Variants in MEGF10 observed in about 807,000 individuals in gnomAD.
MEGF10 encodes multiple EGF like domains 10.
Under a neutral mutation model 147.5 loss-of-function variants are expected in MEGF10, and 86 were observed. That is an observed-to-expected ratio of 0.58 (90% confidence interval 0.49 to 0.70). The LOEUF is 0.70. Ranked by LOEUF, MEGF10 falls within the 30% of genes least tolerant of loss-of-function variation. MEGF10 has a pLI of 0.00. For missense variants in MEGF10, 1,329 were observed against 1,487.3 expected (o/e 0.89, Z 1.75); for synonymous variants, 478 against 525.5 (o/e 0.91, Z 1.24).
At chr5:127,260,401 G>T in the MEGF10 span, among the ~76,000 whole-genome samples, 1 of 152,020 alleles carries the variant, frequency 6.6e-6, no homozygotes, top group South Asian at 2.1e-4. Context: ...ATATCTGGTT[G>T]GTTTCTCATG....
In MEGF10 at chr5:127,413,694, TACA is replaced by T. The variant is rs1161759176; in HGVS notation, c.1130+3100_1130+3102del. 2.0e-5 allele frequency among the ~76,000 whole-genome samples: 3 copies of T among 152,208 alleles called. No individual in the cohort carries two copies. The East Asian group carries it at 5.8e-4, about 29-fold the overall frequency. On this transcript the variant is annotated intron_variant, in intron 9 of 24. Coordinates refer to ENST00000503335, the MANE Select transcript of MEGF10 (RefSeq NM_001256545.2). ...CCTTCAACCTCCAAACTGCTGCTTC[TACA>T]ACAACATGTAAATCTCATTACCAAT... is the stretch of plus-strand genomic sequence containing the variant.
At chr5:127,288,705 G>A (rs1342643588), upstream of MEGF10, among the ~76,000 whole-genome samples, 5 of 152,166 alleles carry the variant, frequency 3.3e-5, no homozygotes, top group Admixed American at 3.3e-4. Flanking sequence ...CACAGTTACT[G>A]TAATAATAAT....
At chr5:127,250,077 GC>G in the MEGF10 span, among the ~76,000 whole-genome samples, 1 of 151,976 alleles carries the variant, frequency 6.6e-6, no homozygotes, top group African/African-American at 2.4e-5. Context: ...TCCAACACAT[GC>G]TTTTTGGGGG....
At chr5:127,244,821 C>CA in the MEGF10 span, among the ~76,000 whole-genome samples, 1 of 151,940 alleles carries the variant, frequency 6.6e-6, no homozygotes, top group Non-Finnish European at 1.5e-5. Context: ...TTGTATGACT[C>CA]ACGTATACTT....
intron 1 of MEGF10, among the ~76,000 whole-genome samples, chr5:127,318,560 T>C (rs1161931709): frequency 2.0e-5 from 3 of 152,194 alleles, no homozygotes; most frequent in Non-Finnish European, 4.4e-5. Context: ...GATGATATGC[T>C]TTAAAAACTT....
chr5:127,385,568 G>A (rs767364800), intron 5 of MEGF10, among the ~76,000 whole-genome samples: 20 of 152,146 alleles, frequency 1.3e-4, no homozygotes, highest in South Asian at 4.1e-4. Flanking sequence ...CCACTGTGCC[G>A]GGCCGACATT....
chr5:127,416,881 G>C (rs1010432711), intron 9 of MEGF10, among the ~76,000 whole-genome samples: 4 of 152,184 alleles, frequency 2.6e-5, no homozygotes, highest in Non-Finnish European at 5.9e-5. Context: ...CCTCTGATGG[G>C]AGGTCACTTA....
intron 1 of MEGF10, among the ~76,000 whole-genome samples, chr5:127,309,903 G>A (rs1026116272): frequency 6.6e-6 from 1 of 151,564 alleles, no homozygotes; most frequent in African/African-American, 2.4e-5. Context: ...TTACATTTCC[G>A]TCAGCAATGC....
At chr5:127,419,372 C>T (rs1247169237) in intron 11 of MEGF10, 132 bp downstream of exon 11, 1 of 1,083,522 alleles carries the variant, frequency 9.2e-7, no homozygotes, top group East Asian at 2.4e-5. Flanking sequence ...CCGCAAGCCC[C>T]TCATCCAGTA....
At chr5:127,428,987 C>T (rs1765303297) in intron 13 of MEGF10, among the ~76,000 whole-genome samples, 1 of 152,194 alleles carries the variant, frequency 6.6e-6, no homozygotes, top group African/African-American at 2.4e-5. Context: ...CTTGTGGAGG[C>T]TATCAAAGAG....
At chr5:127,354,885 A>AG (rs937333002) in intron 4 of MEGF10, among the ~76,000 whole-genome samples, 7 of 152,206 alleles carry the variant, frequency 4.6e-5, no homozygotes, top group African/African-American at 7.2e-5. Flanking sequence ...TGTCAGCCAC[A>AG]GGGGGGTCTG....
At chr5:127,421,605 A>G (rs1349214835) in intron 12 of MEGF10, among the ~76,000 whole-genome samples, 3 of 152,166 alleles carry the variant, frequency 2.0e-5, no homozygotes, top group African/African-American at 4.8e-5. Context: ...TGACGTGCAC[A>G]TGAAAGTATA....
At chr5:127,303,489 A>G (rs995526414) in intron 1 of MEGF10, among the ~76,000 whole-genome samples, 1 of 152,224 alleles carries the variant, frequency 6.6e-6, no homozygotes, top group Non-Finnish European at 1.5e-5. Flanking sequence ...AAAATGAAAT[A>G]AAAATGGGGA....
At chr5:127,297,588 G>A (rs1289052743) in intron 1 of MEGF10, among the ~76,000 whole-genome samples, 3 of 152,160 alleles carry the variant, frequency 2.0e-5, no homozygotes, top group African/African-American at 7.2e-5. Context: ...ATCTTAGGTG[G>A]GGGAATGGGC....
At chr5:127,287,263 A>G (rs1359866140), upstream of MEGF10, among the ~76,000 whole-genome samples, 5 of 152,122 alleles carry the variant, frequency 3.3e-5, no homozygotes, top group Admixed American at 6.5e-5. Flanking sequence ...TTTGTATTCA[A>G]TGTTGTACTG....
chr5:127,261,293 A>G, the MEGF10 span, among the ~76,000 whole-genome samples: 1,410 of 152,242 alleles, frequency 9.3e-3, 15 homozygotes, highest in African/African-American at 0.03. Flanking sequence ...GCAATCAGTA[A>G]TCTGCTTTTT....
chr5:127,367,349 C>G (rs1762694149), intron 4 of MEGF10, among the ~76,000 whole-genome samples: 1 of 152,160 alleles, frequency 6.6e-6, no homozygotes, highest in Non-Finnish European at 1.5e-5. Flanking sequence ...CTAGGTTGCT[C>G]TGATGGAATC....
At chr5:127,417,900 A>G (rs1764837618) in intron 10 of MEGF10, 88 bp downstream of exon 10, 1 of 1,360,378 alleles carries the variant, frequency 7.4e-7, no homozygotes, top group Non-Finnish European at 1.0e-6. Flanking sequence ...CCAGTGAAAT[A>G]CAGTGAATGT....
chr5:127,441,250 G>A (rs1015910305), intron 18 of MEGF10, among the ~76,000 whole-genome samples: 2 of 152,210 alleles, frequency 1.3e-5, no homozygotes, highest in African/African-American at 4.8e-5. Context: ...CAGTACATTC[G>A]GTGGGGAGGA....
Sources: gnomAD v4.1 joint callset for allele counts (sites outside exome capture counted in the v4.1 genomes callset) on GRCh38, gnomAD v4.1.1 for gene constraint, MANE v1.5 for transcripts, NCBI Gene and HGNC (gene_info 2026-07-23, HGNC 2026-07-21) for gene names.